The following PTPRM variants were observed in gnomAD, a reference collection of about 807,000 sequenced individuals.
PTPRM encodes the protein receptor-type tyrosine-protein phosphatase mu.
PTPRM carries 47 observed loss-of-function variants against 186.7 expected under a neutral mutation model. The observed-to-expected ratio is 0.25, with a 90% CI of 0.20 to 0.32. The LOEUF (loss-of-function observed/expected upper bound fraction) is 0.32, where lower values mean the gene tolerates loss of function less well. Ranked by LOEUF, PTPRM falls within the 10% of genes least tolerant of loss-of-function variation. PTPRM has a pLI of 1.00. For synonymous variants in PTPRM, 668 were observed against 674.9 expected (o/e 0.99, Z 0.16); for missense variants, 1,494 against 1,865.0 (o/e 0.80, Z 3.66).
At chr18:7,570,587 G>T (rs771445689) in intron 1 of PTPRM, among the ~76,000 whole-genome samples, 3 of 152,198 alleles carry the variant, frequency 2.0e-5, no homozygotes, top group Non-Finnish European at 4.4e-5. Flanking sequence ...TGGAGGGAGA[G>T]AAGTGATTGT....
rs149178077 is a variant in PTPRM at position 8,015,701 on chromosome 18, C to T, written c.1133-53985C>T. On this transcript the variant is annotated intron_variant, in intron 7 of 32. Transcript: ENST00000580170. ...AGTGTTGAAGAAAGAAATAATTTAT[C>T]CTGAACTTTGAAAGTGTATTATTAC... 1.0e-3 allele frequency among the ~76,000 whole-genome samples: 158 copies of T among 152,192 alleles called. 2 individuals are homozygous for T. The highest frequency in any genetic ancestry group is 3.2e-3 in the African/African-American group (133 of 41,540).
At chr18:8,156,047 C>T (rs1322121266) in intron 14 of PTPRM, among the ~76,000 whole-genome samples, 2 of 152,158 alleles carry the variant, frequency 1.3e-5, no homozygotes, top group East Asian at 3.9e-4. Context: ...TGCACACAAA[C>T]ATGTATGGAT....
At chr18:7,772,276 TTTC>T (rs908952860) in intron 1 of PTPRM, among the ~76,000 whole-genome samples, 7 of 151,636 alleles carry the variant, frequency 4.6e-5, no homozygotes, top group Non-Finnish European at 8.8e-5. Context: ...TTTCTTTTCT[TTTC>T]TTTTCTTTCT....
At chr18:8,189,365 C>T (rs954259432) in intron 14 of PTPRM, among the ~76,000 whole-genome samples, 31 of 151,430 alleles carry the variant, frequency 2.0e-4, no homozygotes, top group African/African-American at 7.0e-4. Flanking sequence ...GATCAGCTCA[C>T]GGGGGGTTCT....
At position 8,216,897 on chromosome 18, in the gene PTPRM, T is replaced by C. The variant is rs115376615; in HGVS notation, c.2301-27161T>C. 3.7e-3 allele frequency among the ~76,000 whole-genome samples: 563 copies of C among 152,364 alleles called. 1 individual carries two copies. Among genetic ancestry groups the C allele is most frequent in the African/African-American group, 0.013 (521 of 41,594 alleles). ...TTCTTGAGAGAGTGCAAGGTTTCCCTCTCTGGAGAATCTGTTGAAGGAGGG... is the reference window on the plus strand; with the variant it reads ...TTCTTGAGAGAGTGCAAGGTTTCCCCCTCTGGAGAATCTGTTGAAGGAGGG... On this transcript the variant is annotated intron_variant, in intron 14 of 32. Coordinates refer to ENST00000580170, the MANE Select transcript of PTPRM (RefSeq NM_001105244.2).
rs751205080 is a variant in PTPRM, at chr18:8,088,732, TACGCC to T, written c.1754-16_1754-12del. 1,061 of 1,567,668 alleles carry T rather than the reference TACGCC, an allele frequency of 6.8e-4. No homozygotes were observed. The highest frequency in any genetic ancestry group is 8.9e-4 in the Admixed American group (53 of 59,800). ...ACCAGAAATAATGAGTCTCCCATTC[TACGCC>T]TTTTTCCCCAGCACCCTCTATGCCA... On this transcript the variant is annotated splice_polypyrimidine_tract_variant and intron_variant, in intron 10 of 32. Coordinates refer to ENST00000580170, the MANE Select transcript of PTPRM (RefSeq NM_001105244.2).
chr18:7,649,094 T>G (rs2038634050), intron 1 of PTPRM, among the ~76,000 whole-genome samples: 1 of 152,152 alleles, frequency 6.6e-6, no homozygotes, highest in African/African-American at 2.4e-5. Flanking sequence ...TTAAGAATGA[T>G]GCTAAGTCTA....
At chr18:7,705,217 G>T (rs1040941634) in intron 1 of PTPRM, among the ~76,000 whole-genome samples, 1 of 151,984 alleles carries the variant, frequency 6.6e-6, no homozygotes, top group Non-Finnish European at 1.5e-5. Context: ...ATTGTGAATA[G>T]CATGACCTAC....
At chr18:7,579,472 A>C (rs2036786854) in intron 1 of PTPRM, among the ~76,000 whole-genome samples, 1 of 152,242 alleles carries the variant, frequency 6.6e-6, no homozygotes, top group Admixed American at 6.5e-5. Context: ...TTTACATAGC[A>C]AACTATAATT....
At chr18:7,973,633 T>C (rs1206991842) in intron 7 of PTPRM, among the ~76,000 whole-genome samples, 1 of 152,184 alleles carries the variant, frequency 6.6e-6, no homozygotes, top group Non-Finnish European at 1.5e-5. Context: ...TTTTTCTTAT[T>C]CTACCATTTG....
chr18:7,831,648 A>G (rs1414027390), intron 2 of PTPRM, among the ~76,000 whole-genome samples: 3 of 152,150 alleles, frequency 2.0e-5, no homozygotes, highest in Non-Finnish European at 2.9e-5. Flanking sequence ...TTATCTTTAA[A>G]TGTACAATTA....
At chr18:8,374,715 A>G (rs953872061) in intron 24 of PTPRM, among the ~76,000 whole-genome samples, 1 of 152,270 alleles carries the variant, frequency 6.6e-6, no homozygotes, top group African/African-American at 2.4e-5. Context: ...CTAGTAAAGA[A>G]TGGCATTTTC....
chr18:7,596,721 T>A (rs2037271759), intron 1 of PTPRM, among the ~76,000 whole-genome samples: 1 of 152,190 alleles, frequency 6.6e-6, no homozygotes, highest in African/African-American at 2.4e-5. Context: ...GTATGTTTAT[T>A]GCCTTTTCCT....
intron 19 of PTPRM, among the ~76,000 whole-genome samples, chr18:8,291,189 G>A (rs2095039421): frequency 1.3e-5 from 2 of 152,106 alleles, no homozygotes; most frequent in African/African-American, 2.4e-5. Flanking sequence ...AGCTTTGGTC[G>A]AATTTGATTT....
At chr18:8,364,857 A>G (rs1033160528) in intron 23 of PTPRM, 4 of 152,228 alleles carry the variant, frequency 2.6e-5, no homozygotes, top group Non-Finnish European at 4.4e-5. Flanking sequence ...GTCCTTCTTC[A>G]TCATGGGTTT....
intron 14 of PTPRM, among the ~76,000 whole-genome samples, chr18:8,218,988 A>T (rs1014462298): frequency 2.6e-5 from 4 of 152,134 alleles, no homozygotes; most frequent in Non-Finnish European, 4.4e-5. Flanking sequence ...AAACTGATGG[A>T]GCTCTCTGCA....
chr18:8,197,120 G>A (rs986693996), intron 14 of PTPRM, among the ~76,000 whole-genome samples: 1 of 152,232 alleles, frequency 6.6e-6, no homozygotes, highest in Non-Finnish European at 1.5e-5. Flanking sequence ...TTCAGAAATA[G>A]TTGTTGAGTG....
At chr18:7,691,252 C>A (rs1598381756) in intron 1 of PTPRM, among the ~76,000 whole-genome samples, 1 of 152,170 alleles carries the variant, frequency 6.6e-6, no homozygotes, top group East Asian at 1.9e-4. Flanking sequence ...CATATGGGAA[C>A]AGCATGGAAA....
chr18:8,364,703 CAAA>C (rs929176106), intron 23 of PTPRM, among the ~76,000 whole-genome samples: 1 of 152,172 alleles, frequency 6.6e-6, no homozygotes, highest in Admixed American at 6.5e-5. Flanking sequence ...TCTTTCAAAA[CAAA>C]GAAGAGTCTC....
Sources: allele counts gnomAD v4.1 joint callset (sites outside exome capture counted in the v4.1 genomes callset), GRCh38; gene constraint gnomAD v4.1.1; transcripts MANE v1.5; gene names NCBI Gene and HGNC (gene_info 2026-07-23, HGNC 2026-07-21).